The following VPS13B variants were observed in gnomAD, a reference collection of about 807,000 sequenced individuals.
VPS13B encodes intermembrane lipid transfer protein VPS13B.
A neutral mutation model predicts 426.4 loss-of-function variants in VPS13B; 285 were observed. The ratio of observed to expected loss-of-function variants is 0.67; its 90% CI spans 0.61 to 0.74. VPS13B has a LOEUF of 0.74. Ranked by LOEUF, VPS13B falls within the 30% of genes least tolerant of loss-of-function variation. VPS13B has a pLI of 0.00. For missense variants in VPS13B, 4,537 were observed against 4,782.6 expected (o/e 0.95, Z 1.51); for synonymous variants, 1,676 against 1,676.4 (o/e 1.00, Z 0.01).
chr8:99,853,608 G>A lies in VPS13B; in HGVS notation c.10219G>A (p.Gly3407Arg), dbSNP rs6468694. ...GGCCCCGGGAGCTGGTCCCCTCCCT[G>A]GGGAAGAGCCTGTGGCTGCGTTGTT... Reference protein sequence around the residue: ...CVAPGAGPLPGEEPVAALFEL... With the variant: ...CVAPGAGPLPREEPVAALFEL... Residue 3407 changes from glycine (G) to arginine (R), a missense_variant, in exon 56 of 62, where the codon GGG becomes AGG. By Grantham distance (125) the Gly-to-Arg change is moderately radical. Around this residue, in one of 2 missense-constraint regions of VPS13B, gnomAD observed 4,311 missense variants for 4,474.3 expected, o/e 0.96. Transcript: ENST00000357162. The A allele has an allele frequency of 0.12, 198,678 of 1,614,062 alleles. 12,684 individuals carry two copies. The highest frequency in any genetic ancestry group is 0.13 in the Non-Finnish European group (149,514 of 1,180,006).
chr8:99,874,188 A>G (rs962654092), intron 61 of VPS13B, among the ~76,000 whole-genome samples: 4 of 152,144 alleles, frequency 2.6e-5, no homozygotes, highest in Admixed American at 2.6e-4. Context: ...CTTTCACAAC[A>G]GGGGTTTTCC....
In VPS13B at chr8:99,556,549, G is replaced by A. The variant is rs745979727; in HGVS notation, c.4845G>A (p.Gln1615=). The part of the protein sequence containing the change: ...DLQSINIGTA[Q]WHQLKPEKES... ...AGTCCATCAATATTGGTACTGCACA[G>A]TGGCATCAACTAAAACCAGAGAAGG... is the stretch of plus-strand genomic sequence containing the variant. Residue 1615 remains glutamine (Q), a synonymous_variant, in exon 31 of 62, where the codon CAG becomes CAA. Transcript: ENST00000357162. 6.2e-6 allele frequency: 10 copies of A among 1,613,308 alleles called. No homozygotes were observed. The highest frequency in any genetic ancestry group is 8.5e-6 in the Non-Finnish European group (10 of 1,179,570).
At chr8:99,284,289 C>G (rs2133026802) in intron 19 of VPS13B, among the ~76,000 whole-genome samples, 1 of 152,228 alleles carries the variant, frequency 6.6e-6, no homozygotes, top group South Asian at 2.1e-4. Flanking sequence ...TGCAGTATTT[C>G]TTTGCCATTC....
chr8:99,286,304 G>T (rs1819439385), intron 19 of VPS13B, among the ~76,000 whole-genome samples: 1 of 152,102 alleles, frequency 6.6e-6, no homozygotes, highest in Non-Finnish European at 1.5e-5. Flanking sequence ...ATGTAGTCTG[G>T]CTTCGGTCTG....
chr8:99,385,770 A>G (rs939314840), intron 20 of VPS13B, among the ~76,000 whole-genome samples: 3 of 152,186 alleles, frequency 2.0e-5, no homozygotes, highest in Non-Finnish European at 2.9e-5. Flanking sequence ...GGAATTAACA[A>G]CTAAGCTGAG....
intron 17 of VPS13B, among the ~76,000 whole-genome samples, chr8:99,254,633 T>TTATTA (rs1794586290): frequency 6.6e-6 from 1 of 151,300 alleles, no homozygotes; most frequent in African/African-American, 2.4e-5. Context: ...TTATTTTATT[T>TTATTA]TATTATATTT....
At chr8:99,559,490 G>T (rs1298094472) in intron 31 of VPS13B, among the ~76,000 whole-genome samples, 2 of 152,148 alleles carry the variant, frequency 1.3e-5, no homozygotes, top group Non-Finnish European at 2.9e-5. Flanking sequence ...CCATGCCTGT[G>T]TCCTGAATGG....
chr8:99,615,306 C>G (rs1828040596), intron 33 of VPS13B, among the ~76,000 whole-genome samples: 1 of 152,084 alleles, frequency 6.6e-6, no homozygotes, highest in Non-Finnish European at 1.5e-5. Context: ...GTCAGAAAAG[C>G]TGTTTTCTAA....
At chr8:99,726,642 C>T (rs1349294104) in intron 39 of VPS13B, among the ~76,000 whole-genome samples, 1 of 152,132 alleles carries the variant, frequency 6.6e-6, no homozygotes, top group African/African-American at 2.4e-5. Context: ...AAGAAGAATA[C>T]AATGATAAGG....
chr8:99,510,897 C>G (rs1344971896), intron 28 of VPS13B, among the ~76,000 whole-genome samples: 1 of 152,176 alleles, frequency 6.6e-6, no homozygotes, highest in African/African-American at 2.4e-5. Context: ...AACTGGAACT[C>G]AGGATTCCCA....
At chr8:99,112,638 G>T (rs1179246867) in intron 6 of VPS13B, among the ~76,000 whole-genome samples, 1 of 152,070 alleles carries the variant, frequency 6.6e-6, no homozygotes, top group African/African-American at 2.4e-5. Context: ...AGGGAAATAC[G>T]CTTATTTTCT....
At chr8:99,564,898 G>A (rs1257099209) in intron 31 of VPS13B, among the ~76,000 whole-genome samples, 1 of 152,180 alleles carries the variant, frequency 6.6e-6, no homozygotes, top group Non-Finnish European at 1.5e-5. Flanking sequence ...TTGTGCTAAA[G>A]TCCATTGTTA....
chr8:99,865,733 T>C (rs1304911667), intron 58 of VPS13B, among the ~76,000 whole-genome samples: 2 of 152,222 alleles, frequency 1.3e-5, no homozygotes, highest in Non-Finnish European at 2.9e-5. Flanking sequence ...ATGGGTCTCG[T>C]TACTTTCTGG....
intron 39 of VPS13B, among the ~76,000 whole-genome samples, chr8:99,731,672 G>A (rs748683061): frequency 6.6e-6 from 1 of 152,130 alleles, no homozygotes; most frequent in Non-Finnish European, 1.5e-5. Flanking sequence ...AGTGGGGAAG[G>A]AGAAAAAGAA....
Position 99,526,260 on chromosome 8 carries a change from G to A in VPS13B, c.4745+5250G>A, listed in dbSNP as rs192704578. On this transcript the variant is annotated intron_variant, in intron 30 of 61. Transcript: ENST00000357162. ...CATGTTAAGAATTATTAATATTTTT[G>A]CTACTTGAGTTAACTGAATATATGA... 1.6e-3 allele frequency among the ~76,000 whole-genome samples: 245 copies of A among 152,236 alleles called. 1 individual carries two copies. The highest frequency in any genetic ancestry group is 2.1e-3 in the Non-Finnish European group (143 of 68,004).
chr8:99,806,035 T>C (rs899773863), intron 43 of VPS13B, among the ~76,000 whole-genome samples: 2 of 152,202 alleles, frequency 1.3e-5, no homozygotes, highest in East Asian at 3.8e-4. Flanking sequence ...TCCTCTCCCC[T>C]GTATTTCTAG....
intron 2 of VPS13B, among the ~76,000 whole-genome samples, chr8:99,020,943 G>A (rs562389944): frequency 2.0e-5 from 3 of 152,346 alleles, no homozygotes; most frequent in South Asian, 4.1e-4. Context: ...GGGTAATGAT[G>A]TAAAGTTATA....
chr8:99,462,073 C>T (rs968082094), intron 23 of VPS13B, among the ~76,000 whole-genome samples: 26 of 151,288 alleles, frequency 1.7e-4, no homozygotes, highest in Non-Finnish European at 3.2e-4. Context: ...TTTACTCATT[C>T]ATTCCCCTCC....
At chr8:99,138,368 C>G (rs1810199259) in intron 12 of VPS13B, among the ~76,000 whole-genome samples, 1 of 152,196 alleles carries the variant, frequency 6.6e-6, no homozygotes, top group South Asian at 2.1e-4. Flanking sequence ...CTCAAGTGAT[C>G]CATCCACCTT....
Sources: allele counts gnomAD v4.1 joint callset (sites outside exome capture counted in the v4.1 genomes callset), GRCh38; gene constraint gnomAD v4.1.1; regional missense constraint gnomAD v4.1.1; transcripts MANE v1.5; gene names NCBI Gene and HGNC (gene_info 2026-07-23, HGNC 2026-07-21).